The following AKIRIN1 variants were observed in gnomAD, a reference collection of about 807,000 sequenced individuals.
AKIRIN1 encodes the protein akirin-1.
AKIRIN1 carries 4 observed loss-of-function variants against 25.9 expected under a neutral mutation model. That is an observed-to-expected ratio of 0.15 (90% CI 0.08 to 0.35). The LOEUF is 0.35. Ranked by LOEUF, AKIRIN1 falls within the 10% of genes least tolerant of loss-of-function variation. The probability of loss-of-function intolerance (pLI) is 1.00; values close to 1 mark genes in which losing one functional copy is unlikely to be tolerated. For missense variants in AKIRIN1, 243 were observed against 266.1 expected (o/e 0.91, Z 0.61); for synonymous variants, 125 against 105.1 (o/e 1.19, Z -1.16).
chr1:39,004,511 AC>A lies in AKIRIN1; in HGVS notation c.*457del, dbSNP rs778157728. ...GGTGCACGACAATTATGGTAAAAAA[AC>A]ATTTGCTTGGTCTAAAGAAGATCAT... On this transcript the variant is annotated 3_prime_UTR_variant, in exon 5 of 5. Coordinates refer to ENST00000432648, the MANE Select transcript of AKIRIN1 (RefSeq NM_024595.3). The A allele has an allele frequency of 1.0e-5, 3 of 287,506 alleles. No homozygotes were observed. The highest frequency in any genetic ancestry group is 6.8e-6 in the Non-Finnish European group (1 of 147,428). 17.8% of individuals were successfully genotyped at this position (287,506 alleles called of 1,614,324 possible). A position where few individuals can be genotyped will look rare whatever the true frequency, so the allele number is the denominator to read the frequency against.
chr1:39,003,918 G>T, intron 4 of AKIRIN1, 127 bp from the exon 5 acceptor site: 19 of 748,738 alleles, frequency 2.5e-5, no homozygotes, highest in Non-Finnish European at 4.2e-5. Context: ...TTGATCTTTA[G>T]TATCTTTTAA....
intron 2 of AKIRIN1, 118 bp from the exon 3 acceptor site, chr1:39,000,854 C>G (rs1259850988): frequency 1.4e-5 from 16 of 1,162,130 alleles, no homozygotes; most frequent in African/African-American, 3.1e-5. Context: ...CTGGGTTTCT[C>G]CACGTTGTCA....
Position 39,004,039 on chromosome 1 carries a change from T to A in AKIRIN1, c.569-6T>A, listed in dbSNP as rs757414404. 6 of 1,609,564 alleles carry A rather than the reference T, an allele frequency of 3.7e-6. No homozygotes were observed. Among genetic ancestry groups the A allele is most frequent in the Non-Finnish European group, 5.1e-6 (6 of 1,176,180 alleles). On this transcript the variant is annotated splice_polypyrimidine_tract_variant and splice_region_variant and intron_variant, in intron 4 of 4. Coordinates refer to ENST00000432648, the MANE Select transcript of AKIRIN1 (RefSeq NM_024595.3). ...ACCCTTTTTGTTTTTTATTCTTAAT[T>A]TACAGATGTGTCATGAAGCTTTGTC...
chr1:38,996,242 G>A (rs1234558696), intron 1 of AKIRIN1, among the ~76,000 whole-genome samples: 2 of 151,614 alleles, frequency 1.3e-5, no homozygotes, highest in African/African-American at 4.8e-5. Context: ...TTACAGGTGC[G>A]CACCACCATG....
chr1:38,991,315 G>C lies in AKIRIN1; in HGVS notation c.-66G>C, dbSNP rs1557639740. ...TGGAGCCGGCTTGGCTGGCGAGCCC[G>C]GCTGAGGAGCCTCTTGGGCCGCACT... On this transcript the variant is annotated 5_prime_UTR_variant, in exon 1 of 5. Transcript: ENST00000432648. The C allele has an allele frequency of 1.6e-6, 2 of 1,279,616 alleles. No individual in the cohort carries two copies. The highest frequency in any genetic ancestry group is 2.0e-6 in the Non-Finnish European group (2 of 1,005,792). The allele number at this position is 1,279,616 out of a possible 1,614,324, so 79.3% of individuals were successfully genotyped here.
Position 38,991,584 on chromosome 1 carries a change from G to T in AKIRIN1, c.204G>T (p.Arg68=). ...AGCCCGCCCCGCCCGGCAGCGAGCGGCGCCTTCCAACTCCGGGTAACCTGC... is the reference window on the plus strand; with the variant it reads ...AGCCCGCCCCGCCCGGCAGCGAGCGTCGCCTTCCAACTCCGGGTAACCTGC... ...LQQPAPPGSE[R]RLPTPEQIFQ... is the part of the protein sequence containing the mutation. Residue 68 remains arginine, a synonymous_variant, in exon 1 of 5, where the codon CGG becomes CGT. Transcript: ENST00000432648. 1 of 1,331,874 alleles carries T rather than the reference G, an allele frequency of 7.5e-7. No individual in the cohort carries two copies. The highest frequency in any genetic ancestry group is 1.5e-5 in the African/African-American group (1 of 65,148). 82.5% of individuals were successfully genotyped at this position (1,331,874 alleles called of 1,614,324 possible). A position where few individuals can be genotyped will look rare whatever the true frequency, so the allele number is the denominator to read the frequency against.
At chr1:38,993,553 G>T (rs949222724) in intron 1 of AKIRIN1, among the ~76,000 whole-genome samples, 1 of 150,440 alleles carries the variant, frequency 6.6e-6, no homozygotes, top group Non-Finnish European at 1.5e-5. Context: ...ATCGTTTGAA[G>T]CCGGGAGGCA....
intron 2 of AKIRIN1, among the ~76,000 whole-genome samples, chr1:38,999,660 A>G (rs1643973672): frequency 6.6e-6 from 1 of 152,030 alleles, no homozygotes; most frequent in Non-Finnish European, 1.5e-5. Context: ...CAAAACAGTT[A>G]CAAATAATGA....
At chr1:38,991,888 C>T (rs1205837460) in intron 1 of AKIRIN1, among the ~76,000 whole-genome samples, 2 of 152,064 alleles carry the variant, frequency 1.3e-5, no homozygotes, top group Non-Finnish European at 2.9e-5. Flanking sequence ...CCGGGCCCTC[C>T]CTGTCGCTGA....
In AKIRIN1 at chr1:39,003,330, G is replaced by T; in HGVS notation, c.497-17G>T. 6.2e-7 allele frequency: 1 copy of T among 1,611,648 alleles called. No individual in the cohort carries two copies. The highest frequency in any genetic ancestry group is 2.2e-5 in the East Asian group (1 of 44,842). ...AGGGAGAGTTGCTGAGGATAAGTAT[G>T]TACTGTCTTCTCACAGAACAATATG... On this transcript the variant is annotated splice_polypyrimidine_tract_variant and intron_variant, in intron 3 of 4. Transcript: ENST00000432648.
At position 39,004,066 on chromosome 1, in the gene AKIRIN1, C is replaced by T. The variant is rs780507019; in HGVS notation, c.*11C>T. On this transcript the variant is annotated 3_prime_UTR_variant, in exon 5 of 5. Transcript: ENST00000432648. ...ACAGATGTGTCATGAAGCTTTGTCA[C>T]ATATCTGGGTACCAGGTTTGACCTC... 1.2e-6 allele frequency: 2 copies of T among 1,611,220 alleles called. No homozygotes were observed. Among genetic ancestry groups the T allele is most frequent in the Non-Finnish European group, 8.5e-7 (1 of 1,177,396 alleles).
Position 38,991,419 on chromosome 1 carries a change from C to T in AKIRIN1, c.39C>T (p.Phe13=). Residue 13 remains phenylalanine, a synonymous_variant, in exon 1 of 5, where the codon TTC becomes TTT. Coordinates refer to ENST00000432648, the MANE Select transcript of AKIRIN1 (RefSeq NM_024595.3). ...CGACGCTGAAGCGGCCCATGGAGTT[C>T]GAGGCGGCGCTGCTGAGCCCCGGCT... ...CGATLKRPME[F]EAALLSPGSP... 7.4e-7 allele frequency: 1 copy of T among 1,359,826 alleles called. No individual in the cohort carries two copies. Among genetic ancestry groups the T allele is most frequent in the Non-Finnish European group, 9.4e-7 (1 of 1,060,820 alleles). The allele number at this position is 1,359,826 out of a possible 1,614,324, so 84.2% of individuals were successfully genotyped here.
intron 3 of AKIRIN1, among the ~76,000 whole-genome samples, chr1:39,003,054 G>A (rs935725740): frequency 1.3e-5 from 2 of 152,238 alleles, no homozygotes; most frequent in Non-Finnish European, 2.9e-5. Flanking sequence ...GGCTATGGTA[G>A]TGAGCTATTA....
chr1:38,994,699 T>TTTTTTTTTTTTG (rs1643934563), intron 1 of AKIRIN1, among the ~76,000 whole-genome samples: 1 of 91,138 alleles, frequency 1.1e-5, no homozygotes, highest in African/African-American at 3.5e-5. Context: ...TTTTTTTTTT[T>TTTTTTTTTTTTG]TTTTTTTGAG....
At chr1:38,992,530 C>A (rs1410534456) in intron 1 of AKIRIN1, among the ~76,000 whole-genome samples, 7 of 152,286 alleles carry the variant, frequency 4.6e-5, no homozygotes, top group South Asian at 2.1e-4. Flanking sequence ...ATCCTTTCCA[C>A]CCCTTTTCAG....
Position 38,991,502 on chromosome 1 carries a change from C to G in AKIRIN1, c.122C>G (p.Pro41Arg), listed in dbSNP as rs1226002854. 5.5e-6 allele frequency: 8 copies of G among 1,451,172 alleles called. No homozygotes were observed. The highest frequency in any genetic ancestry group is 7.2e-6 in the Non-Finnish European group (8 of 1,106,522). The allele number at this position is 1,451,172 out of a possible 1,614,324, so 89.9% of individuals were successfully genotyped here. The change falls in exon 1 of 5, where the codon CCG becomes CGG. Residue 41 changes from proline to arginine, a missense_variant. Physicochemically the swap from Pro to Arg is moderately radical, Grantham distance 103. Around this residue, in one of 3 missense-constraint regions of AKIRIN1, gnomAD observed 190 missense variants for 174.4 expected, o/e 1.09. Transcript: ENST00000432648. ...LPGPTPGLRP[P>R]DAEPPPPFQT... is the part of the protein sequence containing the mutation. Reference sequence around the variant, plus strand: ...GGCCCCACTCCGGGCCTCAGGCCCCCGGACGCCGAGCCGCCGCCGCCGTTT... The same window carrying G: ...GGCCCCACTCCGGGCCTCAGGCCCCGGGACGCCGAGCCGCCGCCGCCGTTT...
chr1:38,994,048 T>C (rs75647177), intron 1 of AKIRIN1, among the ~76,000 whole-genome samples: 53,280 of 148,972 alleles, frequency 0.36, 9,948 homozygotes, highest in Non-Finnish European at 0.4. Flanking sequence ...CCATCCTGGG[T>C]GACAAGAGTG....
chr1:39,002,238 T>G (rs1326294351), intron 3 of AKIRIN1, among the ~76,000 whole-genome samples: 1 of 152,176 alleles, frequency 6.6e-6, no homozygotes, highest in Non-Finnish European at 1.5e-5. Context: ...CTTTCATGCT[T>G]TGCTGCTGTG....
chr1:38,997,395 G>T (rs1290056181), intron 1 of AKIRIN1, among the ~76,000 whole-genome samples: 1 of 152,118 alleles, frequency 6.6e-6, no homozygotes, highest in African/African-American at 2.4e-5. Context: ...TATTTTCTAA[G>T]CCCTGACCAT....
Sources: gnomAD v4.1 joint callset for allele counts (sites outside exome capture counted in the v4.1 genomes callset) on GRCh38, gnomAD v4.1.1 for gene constraint, gnomAD v4.1.1 regional missense constraint, MANE v1.5 for transcripts, NCBI Gene and HGNC (gene_info 2026-07-23, HGNC 2026-07-21) for gene names.